The following MOB3B variants were observed in gnomAD, a reference collection of about 807,000 sequenced individuals.
The protein encoded by MOB3B is MOB kinase activator-like 2B.
MOB3B carries 7 observed loss-of-function variants against 18.7 expected under a neutral mutation model. That is an observed-to-expected ratio of 0.37 (90% confidence interval 0.21 to 0.70). The LOEUF (loss-of-function observed/expected upper bound fraction) is 0.70, where lower values mean the gene tolerates loss of function less well. Ranked by LOEUF, MOB3B falls within the 30% of genes least tolerant of loss-of-function variation. The pLI, the probability that MOB3B is intolerant of heterozygous loss-of-function variation, is 0.52. For missense variants in MOB3B, 253 were observed against 281.3 expected, an observed-to-expected ratio of 0.90 and a Z score of 0.72; for synonymous variants, 111 against 99.9, an observed-to-expected ratio of 1.11 and a Z score of -0.66.
At position 27,518,308 on chromosome 9, in the gene MOB3B, T is replaced by C. The variant is rs547060949; in HGVS notation, c.-199+11247A>G. On this transcript the variant is annotated intron_variant, in intron 1 of 3. Transcript: ENST00000262244. ...CTTCCCAATTACAGCCACTCTTGGA[T>C]GTGATCTAGGAAAAAAATCCACATC... 3.2e-4 allele frequency among the ~76,000 whole-genome samples: 48 copies of C among 152,304 alleles called. 3 individuals are homozygous for C. In the South Asian group the frequency reaches 9.3e-3, roughly 30 times the overall value.
chr9:27,504,315 A>T (rs1275035442), intron 1 of MOB3B, among the ~76,000 whole-genome samples: 2 of 152,340 alleles, frequency 1.3e-5, no homozygotes, highest in East Asian at 1.9e-4. Context: ...TGTGGTTCTG[A>T]TATGCACCCA....
chr9:27,370,986 C>T (rs977705429), intron 2 of MOB3B, among the ~76,000 whole-genome samples: 1 of 152,212 alleles, frequency 6.6e-6, no homozygotes, highest in Admixed American at 6.5e-5. Context: ...CTCTTCACAC[C>T]TTGCAGATCT....
chr9:27,494,808 C>T (rs896141565), intron 1 of MOB3B, among the ~76,000 whole-genome samples: 1 of 152,142 alleles, frequency 6.6e-6, no homozygotes, highest in Non-Finnish European at 1.5e-5. Context: ...CCACCATGCC[C>T]TGCCAAGAAC....
intron 2 of MOB3B, among the ~76,000 whole-genome samples, chr9:27,435,362 T>C (rs1822483374): frequency 6.6e-6 from 1 of 152,156 alleles, no homozygotes; most frequent in Non-Finnish European, 1.5e-5. Flanking sequence ...TTCTTTTGTT[T>C]TCTTTTGTGT....
intron 1 of MOB3B, among the ~76,000 whole-genome samples, chr9:27,525,508 T>C (rs556097677): frequency 1.3e-5 from 2 of 152,288 alleles, no homozygotes; most frequent in East Asian, 3.9e-4. Context: ...TTTGTTTGAA[T>C]TGATGCTTGT....
At chr9:27,466,480 C>T (rs1819384336) in intron 1 of MOB3B, among the ~76,000 whole-genome samples, 1 of 152,194 alleles carries the variant, frequency 6.6e-6, no homozygotes, top group Non-Finnish European at 1.5e-5. Flanking sequence ...TACCCAGTTC[C>T]AAAGTCACTT....
At position 27,329,201 on chromosome 9, in the gene MOB3B, C is replaced by A. The variant is rs893792098; in HGVS notation, c.*1386G>T. ...TACATTCTTATCTACTTCCCTCCACCGACAAATATTTTGCTAAATTAAAAG... is the reference window on the plus strand; with the variant it reads ...TACATTCTTATCTACTTCCCTCCACAGACAAATATTTTGCTAAATTAAAAG... On this transcript the variant is annotated 3_prime_UTR_variant, in exon 4 of 4. Coordinates refer to ENST00000262244, the MANE Select transcript of MOB3B (RefSeq NM_024761.5). 2.6e-5 allele frequency: 4 copies of A among 152,090 alleles called. No homozygotes were observed. The highest frequency in any genetic ancestry group is 9.7e-5 in the African/African-American group (4 of 41,404). The allele number at this position is 152,090 out of a possible 1,614,324, so 9.4% of individuals were successfully genotyped here. A position where few individuals can be genotyped will look rare whatever the true frequency, so the allele number is the denominator to read the frequency against.
intron 1 of MOB3B, among the ~76,000 whole-genome samples, chr9:27,478,957 A>G (rs1819604686): frequency 6.6e-6 from 1 of 152,108 alleles, no homozygotes; most frequent in Non-Finnish European, 1.5e-5. Context: ...TTGGTGGTGG[A>G]CTTTTCATCA....
chr9:27,504,049 T>C (rs937839800), intron 1 of MOB3B, among the ~76,000 whole-genome samples: 1 of 152,152 alleles, frequency 6.6e-6, no homozygotes, highest in African/African-American at 2.4e-5. Flanking sequence ...AATCACAGGG[T>C]CTCAGAGTGA....
intron 1 of MOB3B, among the ~76,000 whole-genome samples, chr9:27,504,272 A>G (rs926713474): frequency 6.6e-6 from 1 of 151,792 alleles, no homozygotes; most frequent in African/African-American, 2.4e-5. Flanking sequence ...CAGGATTTGC[A>G]CCATGATTTT....
intron 1 of MOB3B, among the ~76,000 whole-genome samples, chr9:27,525,156 C>G (rs1025459011): frequency 5.3e-5 from 8 of 152,094 alleles, no homozygotes; most frequent in Admixed American, 3.9e-4. Flanking sequence ...CAAGAGTCTC[C>G]TTAGAAAGTC....
rs78343998 is a variant in MOB3B at position 27,336,502 on chromosome 9, G to C, written c.622-5886C>G. On this transcript the variant is annotated intron_variant, in intron 3 of 3. Coordinates refer to ENST00000262244, the MANE Select transcript of MOB3B (RefSeq NM_024761.5). The stretch of plus-strand genomic sequence containing the variant: ...GAGATGTAGAAGGCTCCGCAGTGTG[G>C]TAAGGAGCAGGAGGACCCTTGGTGC... Among the ~76,000 whole-genome samples, 948 of 152,280 alleles carry C rather than the reference G, an allele frequency of 6.2e-3. 1 individual carries two copies. Among genetic ancestry groups the C allele is most frequent in the Non-Finnish European group, 0.011 (718 of 68,028 alleles).
chr9:27,428,667 A>G (rs763372), intron 2 of MOB3B, among the ~76,000 whole-genome samples: 3 of 152,108 alleles, frequency 2.0e-5, no homozygotes, highest in Admixed American at 2.0e-4. Context: ...TGGCCACTCA[A>G]CAAAGGTGAT....
intron 2 of MOB3B, among the ~76,000 whole-genome samples, chr9:27,450,529 C>A (rs574228584): frequency 6.6e-6 from 1 of 152,194 alleles, no homozygotes; most frequent in East Asian, 1.9e-4. Flanking sequence ...AAAAAGAATC[C>A]TTTATCTAAA....
At chr9:27,496,257 T>C (rs987175527) in intron 1 of MOB3B, among the ~76,000 whole-genome samples, 1 of 152,206 alleles carries the variant, frequency 6.6e-6, no homozygotes, top group Non-Finnish European at 1.5e-5. Flanking sequence ...TAAACCACTA[T>C]AGCAAAGTCT....
chr9:27,458,520 T>G (rs1366093960), intron 1 of MOB3B, among the ~76,000 whole-genome samples: 3 of 106,704 alleles, frequency 2.8e-5, no homozygotes, highest in African/African-American at 1.1e-4. Context: ...AAGATATGTT[T>G]TTTTTTTTTT....
intron 3 of MOB3B, among the ~76,000 whole-genome samples, chr9:27,342,851 C>G (rs1190954426): frequency 6.6e-6 from 1 of 151,474 alleles, no homozygotes; most frequent in East Asian, 2.1e-4. Context: ...CTTGGCCTCC[C>G]AAAGTGCCGA....
chr9:27,382,335 C>T (rs1468308828), intron 2 of MOB3B, among the ~76,000 whole-genome samples: 2 of 152,180 alleles, frequency 1.3e-5, no homozygotes, highest in East Asian at 1.9e-4. Flanking sequence ...TCTCTTTCTA[C>T]ACAGCCTTCT....
Position 27,357,127 on chromosome 9 carries a change from T to TATATATATATATATATATAC in MOB3B, c.621+1906_621+1907insGTATATATATATATATATAT, listed in dbSNP as rs1554645159. Among the ~76,000 whole-genome samples, 32 of 57,084 alleles carry TATATATATATATATATATAC rather than the reference T, an allele frequency of 5.6e-4. 4 individuals carry two copies. The Admixed American group carries it at 6.0e-3, about 11-fold the overall frequency. The allele number at this position is 57,084 out of a possible 152,430, so 37.4% of individuals were successfully genotyped here. ...AGGACTACTGAGTAATGCAAATATA[T>TATATATATATATATATATAC]ATATATATATATATATATGTGTTTT... On this transcript the variant is annotated intron_variant, in intron 3 of 3. Transcript: ENST00000262244.
Sources: allele counts gnomAD v4.1 joint callset (sites outside exome capture counted in the v4.1 genomes callset), GRCh38; gene constraint gnomAD v4.1.1; transcripts MANE v1.5; gene names NCBI Gene and HGNC (gene_info 2026-07-23, HGNC 2026-07-21).